The following FRMPD1 variants were observed in gnomAD, a reference collection of about 807,000 sequenced individuals.
The protein encoded by FRMPD1 is FERM and PDZ domain-containing protein 1.
Under a neutral mutation model 117.8 loss-of-function variants are expected in FRMPD1, and 76 were observed. The observed-to-expected ratio is 0.65, with a 90% confidence interval of 0.54 to 0.78. The LOEUF (loss-of-function observed/expected upper bound fraction) is 0.78. Among genes scored for constraint, FRMPD1 ranks in the 30% least tolerant of loss-of-function variants. The pLI is 0.00. For synonymous variants in FRMPD1, 783 were observed against 770.4 expected, an observed-to-expected ratio of 1.02 and a Z score of -0.27; for missense variants, 1,786 against 1,964.5, an observed-to-expected ratio of 0.91 and a Z score of 1.72.
rs1824740401 is a variant in FRMPD1 at position 37,746,655 on chromosome 9, C to T, written c.4623C>T (p.Thr1541=). Residue 1541 remains threonine (T), a synonymous_variant, in exon 16 of 16, where the codon ACC becomes ACT. Transcript: ENST00000377765. ...AGTTTATAGAGGCTGCTAAATCGAC[C>T]TGCGAGAGAGGCTACCACGACCTGA... ...YHQFIEAAKS[T]CERGYHDLSV... The T allele has an allele frequency of 6.2e-7, 1 of 1,614,070 alleles. No individual in the cohort carries two copies. The highest frequency in any genetic ancestry group is 8.5e-7 in the Non-Finnish European group (1 of 1,179,898).
chr9:37,640,657 G>A, the FRMPD1 span, among the ~76,000 whole-genome samples: 1 of 149,604 alleles, frequency 6.7e-6, no homozygotes, highest in Non-Finnish European at 1.5e-5. Flanking sequence ...GGAAGGCTGT[G>A]AAGTAAGGTT....
intron 3 of FRMPD1, among the ~76,000 whole-genome samples, chr9:37,708,141 T>C (rs1353344332): frequency 6.6e-6 from 1 of 152,240 alleles, no homozygotes; most frequent in Non-Finnish European, 1.5e-5. Flanking sequence ...TCTATTGATT[T>C]AGAAGGTTTC....
chr9:37,688,639 A>G (rs1431680129), intron 1 of FRMPD1, among the ~76,000 whole-genome samples: 1 of 152,150 alleles, frequency 6.6e-6, no homozygotes, highest in Non-Finnish European at 1.5e-5. Flanking sequence ...AATTGGAAAC[A>G]TCACAAATGT....
intron 1 of FRMPD1, among the ~76,000 whole-genome samples, chr9:37,687,176 G>C (rs975394829): frequency 3.6e-4 from 55 of 152,298 alleles, no homozygotes; most frequent in Middle Eastern, 3.4e-3. Flanking sequence ...TCCATGCTGG[G>C]ATCTACCAGG....
In FRMPD1 at chr9:37,709,624, A is replaced by G. The variant is rs16934416; in HGVS notation, c.362+1123A>G. Reference sequence around the variant, plus strand: ...ACTGTAAATGCTGGAGAGTCCTCCAACTTGGGCAGAAGTTGTAGGCTGACA... The same window carrying G: ...ACTGTAAATGCTGGAGAGTCCTCCAGCTTGGGCAGAAGTTGTAGGCTGACA... On this transcript the variant is annotated intron_variant, in intron 4 of 15. Coordinates refer to ENST00000377765, the MANE Select transcript of FRMPD1 (RefSeq NM_014907.3). 0.034 allele frequency among the ~76,000 whole-genome samples: 5,127 copies of G among 152,280 alleles called. 430 individuals are homozygous for G. The East Asian group carries it at 0.36, about 11-fold the overall frequency.
At chr9:37,687,003 G>C (rs1183020464) in intron 1 of FRMPD1, among the ~76,000 whole-genome samples, 1 of 152,162 alleles carries the variant, frequency 6.6e-6, no homozygotes, top group Non-Finnish European at 1.5e-5. Flanking sequence ...ACCTCAGATT[G>C]CATGAATGGA....
In FRMPD1 at chr9:37,708,463, T is replaced by C. The variant is rs777093303; in HGVS notation, c.324T>C (p.Ala108=). The C allele has an allele frequency of 8.1e-6, 13 of 1,612,880 alleles. No individual in the cohort carries two copies. In the South Asian group the frequency reaches 1.3e-4, roughly 16 times the overall value. ...TCCTCCAAATGAACAATGAGCCTGCTGAAGACCTTTCCTGGGAACGAGCAG... is the reference window on the plus strand; with the variant it reads ...TCCTCCAAATGAACAATGAGCCTGCCGAAGACCTTTCCTGGGAACGAGCAG... The part of the protein sequence containing the change: ...DQILQMNNEP[A]EDLSWERAVD... Residue 108 remains alanine, a synonymous_variant, in exon 4 of 16, where the codon GCT becomes GCC. Coordinates refer to ENST00000377765, the MANE Select transcript of FRMPD1 (RefSeq NM_014907.3).
chr9:37,686,685 G>T (rs1220297245), intron 1 of FRMPD1, among the ~76,000 whole-genome samples: 3 of 152,160 alleles, frequency 2.0e-5, no homozygotes, highest in African/African-American at 7.2e-5. Flanking sequence ...TTAGAACCAT[G>T]TATGTTTATA....
chr9:37,706,374 C>CA (rs1432744840), intron 2 of FRMPD1, among the ~76,000 whole-genome samples: 1 of 152,150 alleles, frequency 6.6e-6, no homozygotes, highest in Non-Finnish European at 1.5e-5. Context: ...GGGCCTATTG[C>CA]ATTAGGCAGG....
intron 15 of FRMPD1, among the ~76,000 whole-genome samples, chr9:37,743,442 A>C (rs1180266265): frequency 6.7e-6 from 1 of 149,554 alleles, no homozygotes; most frequent in Non-Finnish European, 1.5e-5. Flanking sequence ...AGAAATAGAC[A>C]GCAACCAGGC....
At position 37,746,131 on chromosome 9, in the gene FRMPD1, A is replaced by C; in HGVS notation, c.4099A>C (p.Thr1367Pro). 6.2e-7 allele frequency: 1 copy of C among 1,613,762 alleles called. No individual in the cohort carries two copies. The change falls in exon 16 of 16, where the codon ACC becomes CCC. Residue 1367 changes from threonine (T) to proline (P), a missense_variant. By Grantham distance (38) the Thr-to-Pro change is conservative. Coordinates refer to ENST00000377765, the MANE Select transcript of FRMPD1 (RefSeq NM_014907.3). ...GGAAGCACACCCCATGGCCCCCCTC[A>C]CCTCACCGCCCTCTGCGGGAAGCCC... The part of the protein sequence containing the change: ...DLEAHPMAPL[T>P]SPPSAGSPVV...
intron 5 of FRMPD1, among the ~76,000 whole-genome samples, chr9:37,714,630 GTTTTA>G (rs1366083966): frequency 3.6e-4 from 18 of 50,110 alleles, no homozygotes; most frequent in African/African-American, 1.2e-3. Context: ...ATTTTGTTTT[GTTTTA>G]TTTTATTTTA....
chr9:37,628,931 G>A, the FRMPD1 span, among the ~76,000 whole-genome samples: 1 of 152,222 alleles, frequency 6.6e-6, no homozygotes, highest in South Asian at 2.1e-4. Context: ...GGGCGCGGTG[G>A]CTCACGCCTG....
rs969252975 is a variant in FRMPD1 at position 37,732,236 on chromosome 9, C to T, written c.859-68C>T. 9.7e-6 allele frequency: 15 copies of T among 1,549,652 alleles called. No homozygotes were observed. The African/African-American group carries it at 1.4e-4, about 14-fold the overall frequency. The stretch of plus-strand genomic sequence containing the variant: ...GAGCTCCTGGTCCTGCTGCCTTTCA[C>T]CCGAGAGAACGAGGGGACACAGTAT... On this transcript the variant is annotated intron_variant, in intron 9 of 15. Coordinates refer to ENST00000377765, the MANE Select transcript of FRMPD1 (RefSeq NM_014907.3).
At chr9:37,671,963 C>T (rs1821365990) in intron 1 of FRMPD1, among the ~76,000 whole-genome samples, 1 of 152,118 alleles carries the variant, frequency 6.6e-6, no homozygotes, top group Non-Finnish European at 1.5e-5. Flanking sequence ...AAGACTCCAT[C>T]TCAAAACAAC....
At chr9:37,694,339 A>G (rs952107051) in intron 2 of FRMPD1, among the ~76,000 whole-genome samples, 4 of 152,216 alleles carry the variant, frequency 2.6e-5, no homozygotes, top group African/African-American at 7.2e-5. Context: ...CTCGCAGAGA[A>G]AGAGACCTGT....
chr9:37,716,288 T>C (rs1823116041), intron 5 of FRMPD1, among the ~76,000 whole-genome samples: 1 of 152,252 alleles, frequency 6.6e-6, no homozygotes, highest in South Asian at 2.1e-4. Flanking sequence ...GCTTGTGCAA[T>C]TGAATTGAAT....
Position 37,740,182 on chromosome 9 carries a change from T to C in FRMPD1, c.1654T>C (p.Ser552Pro), listed in dbSNP as rs151253928. ...CCTGGTGAAACTGGCACCCTGCAGA[T>C]CACTCATAAAGGAGGAGCAGCCTCC... ...RRLVKLAPCRSLIKEEQPPGN... is the reference protein window; with the variant it reads ...RRLVKLAPCRPLIKEEQPPGN... The change falls in exon 15 of 16, where the codon TCA becomes CCA. Residue 552 changes from serine (S) to proline (P), a missense_variant. Physicochemically the swap from Ser to Pro is moderately conservative, Grantham distance 74 (BLOSUM62 -1). Transcript: ENST00000377765. The surrounding 1 kb of genome is among the most constrained non-coding windows in gnomAD (Gnocchi z 4.2). 2.7e-5 allele frequency: 43 copies of C among 1,613,758 alleles called. 1 individual carries two copies. The highest frequency in any genetic ancestry group is 2.3e-5 in the Non-Finnish European group (27 of 1,179,918).
At chr9:37,612,127 G>T in the FRMPD1 span, among the ~76,000 whole-genome samples, 1 of 152,186 alleles carries the variant, frequency 6.6e-6, no homozygotes, top group Non-Finnish European at 1.5e-5. Context: ...TCCCAGGGGT[G>T]TGATGTGGAT....
Sources: allele counts gnomAD v4.1 joint callset (sites outside exome capture counted in the v4.1 genomes callset), GRCh38; gene constraint gnomAD v4.1.1; non-coding constraint Gnocchi (gnomAD v3.1); transcripts MANE v1.5; gene names NCBI Gene and HGNC (gene_info 2026-07-23, HGNC 2026-07-21).